Variants in COL25A1 observed in about 807,000 individuals in gnomAD.
The protein encoded by COL25A1 is collagen type XXV alpha 1 chain, also known as collagen alpha-1(XXV) chain.
A neutral mutation model predicts 128.4 loss-of-function variants in COL25A1; 103 were observed. That is an observed-to-expected ratio of 0.80 (90% CI 0.68 to 0.94). The LOEUF (loss-of-function observed/expected upper bound fraction) is 0.94, where lower values mean the gene tolerates loss of function less well. Ranked by LOEUF, COL25A1 falls within the 40% of genes least tolerant of loss-of-function variation. COL25A1 has a pLI of 0.00. For synonymous variants in COL25A1, 279 were observed against 277.2 expected (o/e 1.01, Z -0.06); for missense variants, 745 against 840.0 (o/e 0.89, Z 1.40).
At chr4:109,139,894 A>G (rs1168917274) in intron 3 of COL25A1, among the ~76,000 whole-genome samples, 8 of 151,202 alleles carry the variant, frequency 5.3e-5, no homozygotes, top group Non-Finnish European at 2.9e-5. Flanking sequence ...TCATTGTTCA[A>G]TTCCCACCTA....
At chr4:109,291,867 C>A (rs1390581650) in intron 3 of COL25A1, among the ~76,000 whole-genome samples, 1 of 152,080 alleles carries the variant, frequency 6.6e-6, no homozygotes, top group Non-Finnish European at 1.5e-5. Context: ...ATTTACCCAG[C>A]TTTCCTGTGA....
At chr4:108,885,174 G>C (rs1740634368) in intron 18 of COL25A1, among the ~76,000 whole-genome samples, 2 of 152,188 alleles carry the variant, frequency 1.3e-5, no homozygotes, top group Admixed American at 1.3e-4. Flanking sequence ...TAAACTAACA[G>C]TGAAGTGACA....
chr4:108,911,812 T>TTA (rs1744259857), intron 13 of COL25A1, among the ~76,000 whole-genome samples: 1 of 151,540 alleles, frequency 6.6e-6, no homozygotes, highest in Non-Finnish European at 1.5e-5. Flanking sequence ...GTTTTTTTTT[T>TTA]TTTTTTTTGC....
chr4:109,286,611 G>A (rs532029119), intron 3 of COL25A1, among the ~76,000 whole-genome samples: 1 of 152,274 alleles, frequency 6.6e-6, no homozygotes, highest in African/African-American at 2.4e-5. Context: ...CATTTGGCAA[G>A]ATATGGAAGC....
chr4:108,819,731 T>C, intron 35 of COL25A1: 2 of 643,924 alleles, frequency 3.1e-6, no homozygotes, highest in Non-Finnish European at 4.5e-6. Flanking sequence ...ACCCTCCTGT[T>C]ACGGATCCCT....
At chr4:109,154,944 G>A (rs967913228) in intron 3 of COL25A1, among the ~76,000 whole-genome samples, 7 of 152,102 alleles carry the variant, frequency 4.6e-5, no homozygotes, top group Non-Finnish European at 7.4e-5. Context: ...TAGCAAGGGG[G>A]AAAATGATCA....
At chr4:109,279,874 A>G (rs1446724246) in intron 3 of COL25A1, among the ~76,000 whole-genome samples, 1 of 152,140 alleles carries the variant, frequency 6.6e-6, no homozygotes, top group Non-Finnish European at 1.5e-5. Flanking sequence ...CTGTAGACCA[A>G]ATCAGTTCTG....
At chr4:108,846,244 ATGT>A in intron 27 of COL25A1, 25 bp from the exon 28 acceptor site, 1 of 1,466,592 alleles carries the variant, frequency 6.8e-7, no homozygotes, top group South Asian at 1.1e-5. Context: ...CAAGGTTGGC[ATGT>A]AAGCAGCATA....
chr4:108,851,760 G>T (rs28544895), intron 26 of COL25A1, among the ~76,000 whole-genome samples: 2,174 of 152,176 alleles, frequency 0.014, 52 homozygotes, highest in African/African-American at 0.049. Context: ...ATATAATAAA[G>T]AATGCATTAT....
At chr4:108,974,885 AT>A (rs1752277014) in intron 6 of COL25A1, among the ~76,000 whole-genome samples, 1 of 152,208 alleles carries the variant, frequency 6.6e-6, no homozygotes, top group South Asian at 2.1e-4. Flanking sequence ...CTGTTGGGAC[AT>A]TTCCTTGTCA....
intron 3 of COL25A1, among the ~76,000 whole-genome samples, chr4:109,238,560 C>T (rs1307241511): frequency 1.3e-5 from 2 of 152,046 alleles, no homozygotes; most frequent in East Asian, 3.9e-4. Flanking sequence ...GTATCACTAT[C>T]ATGCATTTTG....
chr4:108,982,195 A>C (rs368073789), intron 6 of COL25A1, among the ~76,000 whole-genome samples: 146 of 152,356 alleles, frequency 9.6e-4, no homozygotes, highest in African/African-American at 3.4e-3. Flanking sequence ...CTCTGTCTCA[A>C]AAAACACACA....
At chr4:109,120,990 C>G (rs1768061410) in intron 3 of COL25A1, among the ~76,000 whole-genome samples, 2 of 151,956 alleles carry the variant, frequency 1.3e-5, no homozygotes, top group African/African-American at 4.8e-5. Context: ...TATTCATGGA[C>G]AGGAATATTC....
At chr4:109,015,494 G>C (rs539679811) in intron 5 of COL25A1, among the ~76,000 whole-genome samples, 1 of 152,068 alleles carries the variant, frequency 6.6e-6, no homozygotes, top group Non-Finnish European at 1.5e-5. Flanking sequence ...TCTAGTAAAC[G>C]TAAAAGCCAT....
In COL25A1 at chr4:109,301,962, G is replaced by T. The variant is rs1483383179; in HGVS notation, c.58C>A (p.Pro20Thr). The T allele has an allele frequency of 2.5e-6, 4 of 1,611,700 alleles. No homozygotes were observed. In the African/African-American group the frequency reaches 4.0e-5, roughly 16 times the overall value. The part of the protein sequence containing the change: ...GGGREPRSED[P>T]TPAEQHCART... ...GCACAATGCTGTTCGGCAGGGGTCG[G>T]GTCCTCGGATCTGGGCTCCCGGCCC... is the stretch of plus-strand genomic sequence containing the variant. The change falls in exon 2 of 38, where the codon CCG (proline) becomes ACG (threonine). Residue 20 changes from proline to threonine, a missense_variant. Coordinates refer to ENST00000399132, the MANE Select transcript of COL25A1 (RefSeq NM_198721.4).
At chr4:109,065,083 C>T (rs977198821) in intron 3 of COL25A1, among the ~76,000 whole-genome samples, 1 of 152,196 alleles carries the variant, frequency 6.6e-6, no homozygotes, top group South Asian at 2.1e-4. Context: ...TGCTCTGCTC[C>T]TTTTGGGCTC....
In COL25A1 at chr4:109,220,572, G is replaced by A. The variant is rs2126208848; in HGVS notation, c.367+80011C>T. ...CTATGGTAATGATATGTTTAATATT[G>A]TATACATAGCAGTATTTTAACAGTA... On this transcript the variant is annotated intron_variant, in intron 3 of 37. Coordinates refer to ENST00000399132, the MANE Select transcript of COL25A1 (RefSeq NM_198721.4). Among the ~76,000 whole-genome samples the A allele has an allele frequency of 1.3e-5, 2 of 152,140 alleles. 1 individual carries two copies. Among genetic ancestry groups the A allele is most frequent in the South Asian group, 4.2e-4 (2 of 4,806 alleles).
At chr4:109,057,711 C>G (rs1761581954) in intron 3 of COL25A1, among the ~76,000 whole-genome samples, 1 of 152,022 alleles carries the variant, frequency 6.6e-6, no homozygotes, top group Admixed American at 6.6e-5. Flanking sequence ...TATTTTTAAA[C>G]TGGTTGAGTT....
At chr4:109,127,520 G>C (rs182501702) in intron 3 of COL25A1, among the ~76,000 whole-genome samples, 221 of 151,980 alleles carry the variant, frequency 1.5e-3, no homozygotes, top group African/African-American at 5.1e-3. Context: ...TAGATACAGG[G>C]TCTCTCTATG....
Sources: gnomAD v4.1 joint callset for allele counts (sites outside exome capture counted in the v4.1 genomes callset) on GRCh38, gnomAD v4.1.1 for gene constraint, MANE v1.5 for transcripts, NCBI Gene and HGNC (gene_info 2026-07-23, HGNC 2026-07-21) for gene names.